Variants in AUTS2 observed in about 807,000 individuals in gnomAD.
AUTS2 encodes the protein activator of transcription and developmental regulator AUTS2.
A neutral mutation model predicts 112.4 loss-of-function variants in AUTS2; 17 were observed. The observed-to-expected ratio is 0.15, with a 90% CI of 0.10 to 0.23. The LOEUF is 0.23. AUTS2 is among the 10% of genes least tolerant of loss of function. The pLI is 1.00. For synonymous variants in AUTS2, 751 were observed against 702.7 expected (o/e 1.07, Z -1.09); for missense variants, 1,510 against 1,701.6 (o/e 0.89, Z 1.98).
intron 1 of AUTS2, among the ~76,000 whole-genome samples, chr7:69,798,962 G>A (rs1449382522): frequency 6.6e-6 from 1 of 151,662 alleles, no homozygotes. Flanking sequence ...CTGCATTCCA[G>A]CCTGGGCAAC....
At chr7:70,774,751 C>CTT (rs1005797643) in intron 12 of AUTS2, 28 of 152,566 alleles carry the variant, frequency 1.8e-4, no homozygotes, top group African/African-American at 6.5e-4. Flanking sequence ...ATGAAAAAAT[C>CTT]TTTAACAATA....
chr7:70,037,229 A>T (rs1159304808), intron 2 of AUTS2, among the ~76,000 whole-genome samples: 1 of 152,166 alleles, frequency 6.6e-6, no homozygotes, highest in Non-Finnish European at 1.5e-5. Flanking sequence ...GGTTACTAGG[A>T]TTGGGTTTGG....
intron 1 of AUTS2, among the ~76,000 whole-genome samples, chr7:69,841,220 G>C (rs76994392): frequency 0.013 from 1,986 of 152,246 alleles, 53 homozygotes; most frequent in African/African-American, 0.045. Context: ...TAATTTATAA[G>C]GAAAAGAAGT....
intron 1 of AUTS2, among the ~76,000 whole-genome samples, chr7:69,681,188 T>C (rs1299709124): frequency 1.3e-5 from 2 of 152,254 alleles, no homozygotes; most frequent in Admixed American, 1.3e-4. Context: ...ACCTCTTGGC[T>C]ATTGTGAATT....
At chr7:70,416,317 T>C (rs183606806) in intron 4 of AUTS2, among the ~76,000 whole-genome samples, 100 of 152,362 alleles carry the variant, frequency 6.6e-4, no homozygotes, top group Admixed American at 1.0e-3. Flanking sequence ...TTTTATATTA[T>C]CTGGACTCTC....
intron 1 of AUTS2, among the ~76,000 whole-genome samples, chr7:69,808,798 G>C (rs548588489): frequency 7.2e-5 from 11 of 152,214 alleles, no homozygotes; most frequent in South Asian, 2.1e-4. Flanking sequence ...TCAAGATCCA[G>C]GGTGAACCAG....
chr7:69,950,567 C>T (rs1378945528), intron 2 of AUTS2, among the ~76,000 whole-genome samples: 1 of 152,026 alleles, frequency 6.6e-6, no homozygotes, highest in Admixed American at 6.6e-5. Flanking sequence ...TAATTTTTGG[C>T]ATATTTTCAT....
intron 4 of AUTS2, among the ~76,000 whole-genome samples, chr7:70,168,135 A>G (rs1005168118): frequency 2.6e-5 from 4 of 152,228 alleles, no homozygotes; most frequent in Non-Finnish European, 5.9e-5. Flanking sequence ...AAGTTACAGA[A>G]TATCCATGAA....
chr7:70,632,275 A>G (rs1207483091), intron 5 of AUTS2, among the ~76,000 whole-genome samples: 1 of 152,042 alleles, frequency 6.6e-6, no homozygotes, highest in Non-Finnish European at 1.5e-5. Context: ...AGAGGAACAG[A>G]AGGTAGGAAG....
At chr7:69,814,055 G>C (rs1208898317) in intron 1 of AUTS2, among the ~76,000 whole-genome samples, 1 of 152,224 alleles carries the variant, frequency 6.6e-6, no homozygotes, top group African/African-American at 2.4e-5. Flanking sequence ...TACATCCTCA[G>C]AGTAAGTACA....
At chr7:70,375,363 A>G (rs897016492) in intron 4 of AUTS2, among the ~76,000 whole-genome samples, 6 of 152,208 alleles carry the variant, frequency 3.9e-5, no homozygotes, top group African/African-American at 1.4e-4. Context: ...CAGTAACCAC[A>G]TTAAAATGTG....
intron 1 of AUTS2, among the ~76,000 whole-genome samples, chr7:69,858,874 C>G (rs929822533): frequency 6.6e-6 from 1 of 152,214 alleles, no homozygotes; most frequent in Non-Finnish European, 1.5e-5. Flanking sequence ...CTTGGATTTA[C>G]TCTTTTTGCC....
At chr7:70,118,458 TTAGG>T in intron 3 of AUTS2, 2 of 495,008 alleles carry the variant, frequency 4.0e-6, no homozygotes, top group Non-Finnish European at 6.5e-6. Context: ...TGACAAATCA[TTAGG>T]TAGGAGGAAC....
chr7:70,668,453 A>G (rs961474453), intron 5 of AUTS2, among the ~76,000 whole-genome samples: 20 of 152,224 alleles, frequency 1.3e-4, no homozygotes, highest in African/African-American at 4.3e-4. Context: ...ACCCATGGCA[A>G]TGACTAAGAC....
At chr7:69,821,170 G>A (rs1267951710) in intron 1 of AUTS2, among the ~76,000 whole-genome samples, 1 of 152,146 alleles carries the variant, frequency 6.6e-6, no homozygotes, top group Admixed American at 6.5e-5. Flanking sequence ...AGAGGGAACT[G>A]GAATCTAACT....
intron 4 of AUTS2, among the ~76,000 whole-genome samples, chr7:70,383,702 C>G (rs1327826687): frequency 1.3e-5 from 2 of 152,230 alleles, no homozygotes; most frequent in African/African-American, 4.8e-5. Flanking sequence ...AAGCCTGCCT[C>G]TCTGTCTAGG....
intron 4 of AUTS2, among the ~76,000 whole-genome samples, chr7:70,189,933 C>G (rs771739624): frequency 3.3e-5 from 5 of 151,980 alleles, no homozygotes; most frequent in Admixed American, 6.6e-5. Flanking sequence ...TTGAAGGGCT[C>G]GTTTGGCCTT....
chr7:69,941,311 A>G lies in AUTS2; in HGVS notation c.522+41813A>G, dbSNP rs774334608. On this transcript the variant is annotated intron_variant, in intron 2 of 18. Transcript: ENST00000342771. ...AATGCCACATCTATAAGGAATTGCC[A>G]CTTGGATTCAAGAGGAAAAGGGGTA... Among the ~76,000 whole-genome samples, 3 of 152,194 alleles carry G rather than the reference A, an allele frequency of 2.0e-5. No homozygotes were observed. In the East Asian group the frequency reaches 5.8e-4, roughly 29 times the overall value.
chr7:69,871,408 ACC>A (rs950439954), intron 1 of AUTS2, among the ~76,000 whole-genome samples: 30 of 152,152 alleles, frequency 2.0e-4, no homozygotes, highest in African/African-American at 7.2e-4. Context: ...ACATTCCAAG[ACC>A]CCTAGTGGAT....
Sources: gnomAD v4.1 joint callset for allele counts (sites outside exome capture counted in the v4.1 genomes callset) on GRCh38, gnomAD v4.1.1 for gene constraint, MANE v1.5 for transcripts, NCBI Gene and HGNC (gene_info 2026-07-23, HGNC 2026-07-21) for gene names.